Variants in AMOTL1 observed in about 807,000 individuals in gnomAD.
AMOTL1 encodes the protein angiomotin-like protein 1.
A neutral mutation model predicts 102.9 loss-of-function variants in AMOTL1; 45 were observed. The ratio of observed to expected loss-of-function variants is 0.44; its 90% CI spans 0.34 to 0.56. AMOTL1 has a LOEUF of 0.56. AMOTL1 is among the 20% of genes least tolerant of loss of function. The pLI, the probability that AMOTL1 is intolerant of heterozygous loss-of-function variation, is 0.01. For missense variants in AMOTL1, 1,114 were observed against 1,225.6 expected (o/e 0.91, Z 1.36); for synonymous variants, 481 against 484.7 (o/e 0.99, Z 0.10).
At chr11:94,763,596 G>T, upstream of AMOTL1, among the ~76,000 whole-genome samples, 1 of 152,064 alleles carries the variant, frequency 6.6e-6, no homozygotes, top group East Asian at 1.9e-4. Flanking sequence ...AAGCCTTACC[G>T]ATAATATAAA....
At position 94,847,278 on chromosome 11, in the gene AMOTL1, C is replaced by T. The variant is rs76659278; in HGVS notation, c.1649-2836C>T. Among the ~76,000 whole-genome samples the T allele has an allele frequency of 6.2e-3, 943 of 152,222 alleles. 12 individuals are homozygous for T. Among genetic ancestry groups the T allele is most frequent in the African/African-American group, 0.021 (884 of 41,526 alleles). On this transcript the variant is annotated intron_variant, in intron 6 of 12. Transcript: ENST00000433060. The stretch of plus-strand genomic sequence containing the variant: ...CATCTGATGTGTCGCGGCTTGTAAG[C>T]GAGCAGTGGGTTTGAAGGTCGAGTG...
intron 6 of AMOTL1, among the ~76,000 whole-genome samples, chr11:94,842,571 C>T (rs1952328334): frequency 6.6e-6 from 1 of 152,192 alleles, no homozygotes; most frequent in African/African-American, 2.4e-5. Flanking sequence ...ATGCATTGCA[C>T]TTTAGGCTTT....
chr11:94,855,278 G>A (rs999404334), intron 8 of AMOTL1, among the ~76,000 whole-genome samples: 1 of 152,244 alleles, frequency 6.6e-6, no homozygotes, highest in Non-Finnish European at 1.5e-5. Context: ...GGCTGGAGAA[G>A]GAGGTGTTAG....
At chr11:94,774,491 C>T (rs1482504622) in intron 1 of AMOTL1, among the ~76,000 whole-genome samples, 5 of 152,182 alleles carry the variant, frequency 3.3e-5, no homozygotes, top group Admixed American at 3.3e-4. Flanking sequence ...AATTTCATAA[C>T]TGGCAGCTCT....
intron 1 of AMOTL1, among the ~76,000 whole-genome samples, chr11:94,780,343 C>G (rs762771545): frequency 6.6e-6 from 1 of 152,162 alleles, no homozygotes; most frequent in Non-Finnish European, 1.5e-5. Context: ...TTTGAAGAAC[C>G]TTTTGACAAT....
At position 94,769,075 on chromosome 11, in the gene AMOTL1, A is replaced by G. The variant is rs367961924; in HGVS notation, c.49+515A>G. On this transcript the variant is annotated intron_variant, in intron 1 of 12. Transcript: ENST00000433060. ...GGCTCTGGCGGGTGGGGGCGACGAA[A>G]GGGTCGCACCCCAGCCCCAGACGCT... Among the ~76,000 whole-genome samples, 5 of 152,188 alleles carry G rather than the reference A, an allele frequency of 3.3e-5. No individual in the cohort carries two copies. In the East Asian group the frequency reaches 7.8e-4, roughly 24 times the overall value.
intron 4 of AMOTL1, among the ~76,000 whole-genome samples, chr11:94,822,175 C>T (rs531446872): frequency 9.9e-5 from 15 of 152,208 alleles, no homozygotes; most frequent in Middle Eastern, 6.8e-3. Flanking sequence ...AGGCCATGCG[C>T]GGTGGTCCAT....
In AMOTL1 at chr11:94,741,020, G is replaced by C. The variant is rs916449224; in HGVS notation, c.136+32G>C. 9.3e-6 allele frequency: 12 copies of C among 1,288,004 alleles called. No individual in the cohort carries two copies. The Admixed American group carries it at 1.6e-4, about 17-fold the overall frequency. The allele number at this position is 1,288,004 out of a possible 1,614,324, so 79.8% of individuals were successfully genotyped here. ...CTGCTCATTTTGTCTTTTATTTCTT[G>C]GTCGCAATTCTGCCCGAGAACTGCG... On this transcript the variant is annotated intron_variant, in intron 3 of 4. Transcript: ENST00000299004.
chr11:94,840,681 T>TATATATACACACACACACAC (rs1166713705), intron 6 of AMOTL1, among the ~76,000 whole-genome samples: 2 of 104,810 alleles, frequency 1.9e-5, no homozygotes, highest in African/African-American at 8.1e-5. Context: ...TATATATATA[T>TATATATACACACACACACAC]ACACACACAC....
At chr11:94,724,033 T>C (rs1052668685) in intron 1 of AMOTL1, among the ~76,000 whole-genome samples, 2 of 152,120 alleles carry the variant, frequency 1.3e-5, no homozygotes, top group South Asian at 2.1e-4. Context: ...GATTTTTGGA[T>C]AGCTGACATA....
chr11:94,759,256 G>A (rs1450383625), intron 3 of AMOTL1, among the ~76,000 whole-genome samples: 1 of 151,968 alleles, frequency 6.6e-6, no homozygotes, highest in Non-Finnish European at 1.5e-5. Context: ...TGTGTTTAAG[G>A]CCAGAGCTTT....
At chr11:94,757,714 T>C (rs1213255298) in intron 3 of AMOTL1, among the ~76,000 whole-genome samples, 2 of 152,032 alleles carry the variant, frequency 1.3e-5, no homozygotes, top group African/African-American at 4.8e-5. Flanking sequence ...AGTCGGGAAG[T>C]AAGGTCTGGA....
rs1263442761 is a variant in AMOTL1 at position 94,840,695 on chromosome 11, C to T, written c.1648+9154C>T. Among the ~76,000 whole-genome samples, 3 of 143,402 alleles carry T rather than the reference C, an allele frequency of 2.1e-5. No individual in the cohort carries two copies. The East Asian group carries it at 5.9e-4, about 28-fold the overall frequency. The allele number at this position is 143,402 out of a possible 152,430, so 94.1% of individuals were successfully genotyped here. A position where few individuals can be genotyped will look rare whatever the true frequency, so the allele number is the denominator to read the frequency against. ...ATATATATATATACACACACACACA[C>T]ACACACACACACATATATATATACA... is the stretch of plus-strand genomic sequence containing the variant. On this transcript the variant is annotated intron_variant, in intron 6 of 12. Coordinates refer to ENST00000433060, the MANE Select transcript of AMOTL1 (RefSeq NM_130847.3).
chr11:94,736,652 T>C (rs760770138), intron 2 of AMOTL1, among the ~76,000 whole-genome samples: 2 of 152,216 alleles, frequency 1.3e-5, no homozygotes, highest in Non-Finnish European at 2.9e-5. Flanking sequence ...CAGTGAGGTA[T>C]GTATTATTGT....
intron 1 of AMOTL1, among the ~76,000 whole-genome samples, chr11:94,776,275 C>T (rs1951024761): frequency 6.6e-6 from 1 of 152,218 alleles, no homozygotes. Context: ...CATCTCCTTG[C>T]CCACCCTACA....
chr11:94,730,281 C>A (rs1386384756), intron 2 of AMOTL1, among the ~76,000 whole-genome samples: 2 of 152,190 alleles, frequency 1.3e-5, no homozygotes, highest in African/African-American at 4.8e-5. Context: ...GTATCAGCCT[C>A]TTCCTGGATC....
At position 94,826,285 on chromosome 11, in the gene AMOTL1, T is replaced by G. The variant is rs144946124; in HGVS notation, c.1414-3765T>G. On this transcript the variant is annotated intron_variant, in intron 4 of 12. Transcript: ENST00000433060. Reference sequence around the variant, plus strand: ...TCCAGCCTAGGTGATGGAATGAGACTGTCAAAAAGCAAAATCAAAAAAACC... The same window carrying G: ...TCCAGCCTAGGTGATGGAATGAGACGGTCAAAAAGCAAAATCAAAAAAACC... 4.2e-3 allele frequency among the ~76,000 whole-genome samples: 633 copies of G among 152,302 alleles called. 12 individuals carry two copies. The highest frequency in any genetic ancestry group is 0.035 in the South Asian group (168 of 4,826).
chr11:94,765,053 G>T (rs1162077332), upstream of AMOTL1, among the ~76,000 whole-genome samples: 1 of 152,156 alleles, frequency 6.6e-6, no homozygotes, highest in Non-Finnish European at 1.5e-5. Flanking sequence ...TGCTTGTTGG[G>T]AACAGCTTGG....
intron 1 of AMOTL1, among the ~76,000 whole-genome samples, chr11:94,775,451 C>T (rs1301331999): frequency 6.6e-6 from 1 of 151,906 alleles, no homozygotes; most frequent in Non-Finnish European, 1.5e-5. Flanking sequence ...ATTAGAGATT[C>T]AGCTTCCTCA....
Sources: allele counts gnomAD v4.1 joint callset (sites outside exome capture counted in the v4.1 genomes callset), GRCh38; gene constraint gnomAD v4.1.1; transcripts MANE v1.5; gene names NCBI Gene and HGNC (gene_info 2026-07-23, HGNC 2026-07-21).